Variants in SERP2 observed in about 807,000 individuals in gnomAD.
SERP2 encodes stress associated endoplasmic reticulum protein family member 2, also known as stress-associated endoplasmic reticulum protein 2.
A neutral mutation model predicts 9.1 loss-of-function variants in SERP2; 6 were observed. The ratio of observed to expected loss-of-function variants is 0.66; its 90% CI spans 0.36 to 1.30. The LOEUF (loss-of-function observed/expected upper bound fraction) is 1.30. Ranked by LOEUF, SERP2 falls within the 50% of genes most tolerant of loss-of-function variation. The pLI, the probability that SERP2 is intolerant of heterozygous loss-of-function variation, is 0.03. For synonymous variants in SERP2, 37 were observed against 27.3 expected, an observed-to-expected ratio of 1.35 and a Z score of -1.10; for missense variants, 58 against 81.9, an observed-to-expected ratio of 0.71 and a Z score of 1.13.
chr13:44,375,490 T>C (rs1468673091), intron 1 of SERP2, among the ~76,000 whole-genome samples: 2 of 152,140 alleles, frequency 1.3e-5, no homozygotes, highest in South Asian at 2.1e-4. Flanking sequence ...TTTTGTCACA[T>C]TGATTTATGT....
At chr13:44,395,282 G>A (rs1873022540) in intron 2 of SERP2, among the ~76,000 whole-genome samples, 1 of 152,068 alleles carries the variant, frequency 6.6e-6, no homozygotes, top group South Asian at 2.1e-4. Context: ...ATTGTTGTAG[G>A]GTACTTTCTC....
chr13:44,373,767 T>C, upstream of SERP2: 1 of 439,752 alleles, frequency 2.3e-6, no homozygotes, highest in Non-Finnish European at 4.0e-6. This position sits in a 1 kb window ranked among gnomAD's most constrained non-coding sequence, Gnocchi z 4.8. Context: ...GGTAGGTGGC[T>C]GCGGGGACCG....
chr13:44,382,601 A>G (rs1872058556), intron 2 of SERP2, among the ~76,000 whole-genome samples: 1 of 152,074 alleles, frequency 6.6e-6, no homozygotes, highest in Non-Finnish European at 1.5e-5. Context: ...TAAGCCTCTG[A>G]TCTACTTACC....
chr13:44,385,991 G>A (rs1054189336), intron 2 of SERP2, among the ~76,000 whole-genome samples: 9 of 152,066 alleles, frequency 5.9e-5, no homozygotes, highest in African/African-American at 1.9e-4. Context: ...TTGCAGACTC[G>A]ACCTCTCACA....
At chr13:44,388,838 G>C (rs2138792039) in intron 2 of SERP2, among the ~76,000 whole-genome samples, 1 of 152,314 alleles carries the variant, frequency 6.6e-6, no homozygotes, top group Non-Finnish European at 1.5e-5. Context: ...CTCCCTGTAT[G>C]AATGTGCTGG....
At chr13:44,382,959 T>G (rs1872087880) in intron 2 of SERP2, among the ~76,000 whole-genome samples, 1 of 152,136 alleles carries the variant, frequency 6.6e-6, no homozygotes, top group Admixed American at 6.5e-5. Flanking sequence ...TAAATCATAC[T>G]CAGCAGAAGA....
intron 2 of SERP2, among the ~76,000 whole-genome samples, chr13:44,396,722 G>A (rs1873124331): frequency 1.3e-5 from 2 of 152,256 alleles, no homozygotes; most frequent in Middle Eastern, 3.4e-3. Flanking sequence ...AATAAGTGCC[G>A]CTCTCCATAA....
At chr13:44,395,626 A>G (rs2138801740) in intron 2 of SERP2, among the ~76,000 whole-genome samples, 1 of 148,416 alleles carries the variant, frequency 6.7e-6, no homozygotes, top group South Asian at 2.1e-4. Flanking sequence ...AAAAAAAAAG[A>G]CCCACCCAAG....
chr13:44,374,209 C>T, intron 1 of SERP2, 100 bp downstream of exon 1: 1 of 795,098 alleles, frequency 1.3e-6, no homozygotes, highest in Non-Finnish European at 1.8e-6. Context: ...CAGGGTCCGG[C>T]CTCCCGGCTC....
At chr13:44,394,858 C>G (rs1040319371) in intron 2 of SERP2, among the ~76,000 whole-genome samples, 2 of 152,214 alleles carry the variant, frequency 1.3e-5, no homozygotes, top group East Asian at 1.9e-4. Flanking sequence ...AGCTACCAGG[C>G]AGTGAGTCCT....
At chr13:44,374,758 CCT>C (rs1371151082) in intron 1 of SERP2, among the ~76,000 whole-genome samples, 4 of 152,110 alleles carry the variant, frequency 2.6e-5, no homozygotes, top group African/African-American at 4.8e-5. Context: ...TTCCCTCCAG[CCT>C]CTTTTTTCTC....
At chr13:44,397,231 T>C in intron 2 of SERP2, 41 bp from the exon 3 acceptor site, 1 of 1,590,566 alleles carries the variant, frequency 6.3e-7, no homozygotes, top group Non-Finnish European at 8.6e-7. Context: ...TCCAGCTGTG[T>C]GCAGTCTGGT....
chr13:44,378,512 G>C (rs1284463220), intron 1 of SERP2, among the ~76,000 whole-genome samples: 2 of 152,164 alleles, frequency 1.3e-5, no homozygotes, highest in Non-Finnish European at 2.9e-5. Context: ...ATCTGGAATT[G>C]GGTTTTATGA....
chr13:44,397,502 G>A lies in SERP2; in HGVS notation c.*190G>A, dbSNP rs1873188163. 5.0e-6 allele frequency: 3 copies of A among 598,238 alleles called. No homozygotes were observed. Among genetic ancestry groups the A allele is most frequent in the East Asian group, 2.8e-5 (1 of 35,404 alleles). 37.1% of individuals were successfully genotyped at this position (598,238 alleles called of 1,614,324 possible). On this transcript the variant is annotated 3_prime_UTR_variant, in exon 3 of 3. Coordinates refer to ENST00000379179, the MANE Select transcript of SERP2 (RefSeq NM_001010897.3). ...TCTCACAGGACATCTTGGTGCATCC[G>A]CGTTCTCAAGCGGAAAGGACATTTT...
chr13:44,393,988 G>A (rs1329307508), intron 2 of SERP2, among the ~76,000 whole-genome samples: 1 of 152,166 alleles, frequency 6.6e-6, no homozygotes, highest in Non-Finnish European at 1.5e-5. Flanking sequence ...AGGATCGCTG[G>A]ACTCTTATAT....
intron 2 of SERP2, among the ~76,000 whole-genome samples, chr13:44,383,664 C>T (rs977709858): frequency 6.6e-6 from 1 of 151,374 alleles, no homozygotes; most frequent in African/African-American, 2.4e-5. Context: ...TCTCCTGCCT[C>T]AGCCTCCTGA....
rs544101721 is a variant in SERP2, at chr13:44,378,690, T to C, written c.85-951T>C. On this transcript the variant is annotated intron_variant, in intron 1 of 2. Coordinates refer to ENST00000379179, the MANE Select transcript of SERP2 (RefSeq NM_001010897.3). ...TGTTGTTTTTTTTTTCACTCTCCCA[T>C]TCTATTTGAGAAATTCACTTCTTTT... Among the ~76,000 whole-genome samples, 12 of 152,234 alleles carry C rather than the reference T, an allele frequency of 7.9e-5. No homozygotes were observed. In the South Asian group the frequency reaches 2.5e-3, roughly 32 times the overall value.
intron 1 of SERP2, 38 bp from the exon 2 acceptor site, chr13:44,379,603 C>T (rs1871845974): frequency 1.4e-6 from 2 of 1,474,432 alleles, no homozygotes; most frequent in East Asian, 4.5e-5. Context: ...TTTATTGAGT[C>T]AATGAACCTA....
Position 44,378,803 on chromosome 13 carries a change from G to A in SERP2, c.85-838G>A, listed in dbSNP as rs551659233. On this transcript the variant is annotated intron_variant, in intron 1 of 2. Coordinates refer to ENST00000379179, the MANE Select transcript of SERP2 (RefSeq NM_001010897.3). ...ACCTGCACATAGACCTGGAGGTGTT[G>A]TGGAGGGAAGATCTTATTATGTCTG... Among the ~76,000 whole-genome samples, 18 of 152,282 alleles carry A rather than the reference G, an allele frequency of 1.2e-4. No homozygotes were observed. The East Asian group carries it at 2.7e-3, about 23-fold the overall frequency.
Sources: allele counts gnomAD v4.1 joint callset (sites outside exome capture counted in the v4.1 genomes callset), GRCh38; gene constraint gnomAD v4.1.1; non-coding constraint Gnocchi (gnomAD v3.1); transcripts MANE v1.5; gene names NCBI Gene and HGNC (gene_info 2026-07-23, HGNC 2026-07-21).